CYB5A: variants seen among roughly 807,000 people sequenced by gnomAD.
CYB5A encodes cytochrome b5.
CYB5A carries 10 observed loss-of-function variants against 16.2 expected under a neutral mutation model. That is an observed-to-expected ratio of 0.62 (90% CI 0.38 to 1.04). The LOEUF is 1.04. CYB5A is among the 50% of genes least tolerant of loss of function. CYB5A has a pLI of 0.01. For missense variants in CYB5A, 161 were observed against 165.9 expected, an observed-to-expected ratio of 0.97 and a Z score of 0.16; for synonymous variants, 62 against 57.0, an observed-to-expected ratio of 1.09 and a Z score of -0.40.
At chr18:74,291,637 C>A in intron 1 of CYB5A, 110 bp downstream of exon 1, 1 of 1,516,332 alleles carries the variant, frequency 6.6e-7, no homozygotes, top group Admixed American at 1.8e-5. Context: ...TCGGGGGGCG[C>A]GCCTAGGCGT....
intron 1 of CYB5A, among the ~76,000 whole-genome samples, chr18:74,265,866 T>C (rs1982414084): frequency 6.6e-6 from 1 of 152,200 alleles, no homozygotes; most frequent in Non-Finnish European, 1.5e-5. Context: ...AAGCCATTCA[T>C]AAGGGATCTG....
intron 1 of CYB5A, 86 bp from the exon 2 acceptor site, chr18:74,263,563 G>A (rs527939446): frequency 2.7e-5 from 32 of 1,204,664 alleles, no homozygotes; most frequent in Non-Finnish European, 3.7e-5. Flanking sequence ...AACCAAACAG[G>A]TGACTCCTTC....
At chr18:74,271,647 C>CGT (rs140764495) in intron 1 of CYB5A, among the ~76,000 whole-genome samples, 14,560 of 149,866 alleles carry the variant, frequency 0.097, 753 homozygotes, top group South Asian at 0.17. Flanking sequence ...ATGTACTTAT[C>CGT]GTGTGTGTGT....
chr18:74,270,594 A>G (rs1982631793), intron 1 of CYB5A, among the ~76,000 whole-genome samples: 1 of 152,106 alleles, frequency 6.6e-6, no homozygotes, highest in Non-Finnish European at 1.5e-5. Flanking sequence ...GAAAATATCC[A>G]GGAAAAAAAA....
chr18:74,280,057 C>G (rs2145074890), intron 1 of CYB5A, among the ~76,000 whole-genome samples: 1 of 152,248 alleles, frequency 6.6e-6, no homozygotes, highest in East Asian at 1.9e-4. Context: ...CATAACTGGG[C>G]TCAGCAGTGC....
intron 1 of CYB5A, among the ~76,000 whole-genome samples, chr18:74,268,685 C>T (rs976531647): frequency 2.6e-5 from 4 of 152,102 alleles, no homozygotes; most frequent in Admixed American, 6.5e-5. Flanking sequence ...GCAGAGTGGA[C>T]GAGAGGGCTT....
chr18:74,288,573 C>G (rs1983406069), intron 1 of CYB5A, among the ~76,000 whole-genome samples: 1 of 152,198 alleles, frequency 6.6e-6, no homozygotes, highest in Non-Finnish European at 1.5e-5. Context: ...GGAAGAGAGA[C>G]AGAGACATTC....
chr18:74,273,440 G>A (rs545643199), intron 1 of CYB5A, among the ~76,000 whole-genome samples: 2 of 152,300 alleles, frequency 1.3e-5, no homozygotes, highest in South Asian at 4.1e-4. Flanking sequence ...AATGAATTAA[G>A]CACTATTTAC....
At chr18:74,291,703 C>T in intron 1 of CYB5A, 44 bp downstream of exon 1, 2 of 1,612,740 alleles carry the variant, frequency 1.2e-6, no homozygotes, top group Non-Finnish European at 1.7e-6. Context: ...CCCCCAAACC[C>T]GGCCCACGCT....
chr18:74,262,375 GA>G (rs1374402280), intron 2 of CYB5A, among the ~76,000 whole-genome samples: 2 of 150,642 alleles, frequency 1.3e-5, no homozygotes, highest in African/African-American at 4.9e-5. Context: ...AGAATTGCTT[GA>G]ACCCAGGAGG....
chr18:74,289,856 T>A (rs1983465515), intron 1 of CYB5A, among the ~76,000 whole-genome samples: 1 of 150,494 alleles, frequency 6.6e-6, no homozygotes, highest in African/African-American at 2.4e-5. Flanking sequence ...TGGCTCAATA[T>A]CCTACAATGC....
chr18:74,256,051 G>A (rs990617257), intron 3 of CYB5A: 53 of 406,928 alleles, frequency 1.3e-4, no homozygotes, highest in Admixed American at 2.3e-4. Context: ...TCTTGCACAC[G>A]CTAGGCATCT....
chr18:74,267,444 A>C (rs1982487633), intron 1 of CYB5A, among the ~76,000 whole-genome samples: 1 of 152,212 alleles, frequency 6.6e-6, no homozygotes, highest in South Asian at 2.1e-4. Context: ...GGCGTGAGCC[A>C]CACATTTGGA....
At chr18:74,274,699 T>C (rs902300209) in intron 1 of CYB5A, among the ~76,000 whole-genome samples, 9 of 152,246 alleles carry the variant, frequency 5.9e-5, no homozygotes, top group African/African-American at 2.2e-4. Context: ...ACTATATTTT[T>C]GGAATTGTCT....
chr18:74,257,450 T>C (rs1221944410), intron 3 of CYB5A: 1 of 155,538 alleles, frequency 6.4e-6, no homozygotes, highest in East Asian at 1.9e-4. Context: ...GAAAAGTAAT[T>C]GGTCTTTAGT....
Position 74,253,358 on chromosome 18 carries a change from G to C in CYB5A, c.*226C>G. 1 of 452,264 alleles carries C rather than the reference G, an allele frequency of 2.2e-6. No homozygotes were observed. Among genetic ancestry groups the C allele is most frequent in the Non-Finnish European group, 4.1e-6 (1 of 244,426 alleles). 28.0% of individuals were successfully genotyped at this position (452,264 alleles called of 1,614,324 possible). A position where few individuals can be genotyped will look rare whatever the true frequency, so the allele number is the denominator to read the frequency against. ...TTATAATAAGTAAATTACACATTAA[G>C]GAAACATCAAAATAAAGTAGATGAA... On this transcript the variant is annotated 3_prime_UTR_variant, in exon 5 of 5. Coordinates refer to ENST00000340533, the MANE Select transcript of CYB5A (RefSeq NM_148923.4).
At chr18:74,263,560 C>T in intron 1 of CYB5A, 83 bp from the exon 2 acceptor site, 1 of 1,210,402 alleles carries the variant, frequency 8.3e-7, no homozygotes, top group Non-Finnish European at 1.2e-6. Context: ...TTTAACCAAA[C>T]AGGTGACTCC....
At position 74,253,624 on chromosome 18, in the gene CYB5A, G is replaced by A; in HGVS notation, c.365C>T (p.Ala122Val). The change falls in exon 5 of 5, where the codon GCC becomes GTC. Residue 122 changes from alanine to valine, a missense_variant. Coordinates refer to ENST00000340533, the MANE Select transcript of CYB5A (RefSeq NM_148923.4). ...GTATAGGCGATACATCAAGGCGACG[G>A]CCACTGCAGAGATGGCAGGGATCAC... ...NWVIPAISAV[A>V]VALMYRLYMA... 1 of 1,613,500 alleles carries A rather than the reference G, an allele frequency of 6.2e-7. No homozygotes were observed. Among genetic ancestry groups the A allele is most frequent in the Non-Finnish European group, 8.5e-7 (1 of 1,179,600 alleles).
At chr18:74,272,483 C>T (rs924653301) in intron 1 of CYB5A, among the ~76,000 whole-genome samples, 13 of 152,158 alleles carry the variant, frequency 8.5e-5, no homozygotes, top group Non-Finnish European at 1.3e-4. Flanking sequence ...GACGGTTCCT[C>T]GTGGTACCAA....
Sources: gnomAD v4.1 joint callset for allele counts (sites outside exome capture counted in the v4.1 genomes callset) on GRCh38, gnomAD v4.1.1 for gene constraint, MANE v1.5 for transcripts, NCBI Gene and HGNC (gene_info 2026-07-23, HGNC 2026-07-21) for gene names.